The following COG1 variants were observed in gnomAD, a reference collection of about 807,000 sequenced individuals.
The protein encoded by COG1 is component of oligomeric golgi complex 1.
In COG1, 61 loss-of-function variants were observed where a neutral mutation model predicts 102.2. The ratio of observed to expected loss-of-function variants is 0.60; its 90% CI spans 0.49 to 0.74. The LOEUF (loss-of-function observed/expected upper bound fraction) is 0.74, where lower values mean the gene tolerates loss of function less well. Among genes scored for constraint, COG1 ranks in the 30% least tolerant of loss-of-function variants. The pLI is 0.00. For synonymous variants in COG1, 454 were observed against 493.6 expected (o/e 0.92, Z 1.06); for missense variants, 1,164 against 1,232.1 (o/e 0.94, Z 0.83).
At chr17:73,193,524 A>G in intron 1 of COG1, 140 bp downstream of exon 1, 1 of 737,136 alleles carries the variant, frequency 1.4e-6, no homozygotes, top group Non-Finnish European at 2.0e-6. Context: ...TCCGCCCCTC[A>G]CCCTTTGGGC....
intron 7 of COG1, 36 bp downstream of exon 7, chr17:73,201,936 A>C: frequency 6.3e-7 from 1 of 1,593,874 alleles, no homozygotes; most frequent in East Asian, 2.2e-5. Flanking sequence ...GTCTTGTCTC[A>C]CTTCTGTCAT....
Position 73,207,079 on chromosome 17 carries a change from C to T in COG1, c.2730-102C>T, listed in dbSNP as rs998266294. 200 of 960,220 alleles carry T rather than the reference C, an allele frequency of 2.1e-4. 1 individual carries two copies. Among genetic ancestry groups the T allele is most frequent in the Non-Finnish European group, 2.6e-4 (171 of 658,162 alleles). 59.5% of individuals were successfully genotyped at this position (960,220 alleles called of 1,614,324 possible). A position where few individuals can be genotyped will look rare whatever the true frequency, so the allele number is the denominator to read the frequency against. ...CTGCACTCCAGCCTGGGCGACAGAA[C>T]GAGACTCTGTCTCAAAAAAAAAAAA... On this transcript the variant is annotated intron_variant, in intron 12 of 13. Coordinates refer to ENST00000299886, the MANE Select transcript of COG1 (RefSeq NM_018714.3).
chr17:73,204,288 T>TC (rs1388525983), intron 9 of COG1, among the ~76,000 whole-genome samples: 1 of 152,222 alleles, frequency 6.6e-6, no homozygotes, highest in Non-Finnish European at 1.5e-5. Flanking sequence ...ATCATTAACC[T>TC]CCGTTTCCTT....
chr17:73,207,438 G>A, intron 13 of COG1, 182 bp downstream of exon 13: 2 of 726,894 alleles, frequency 2.8e-6, no homozygotes, highest in South Asian at 1.5e-5. Context: ...ACTAGAAGGT[G>A]TAAAAGATGC....
At position 73,193,263 on chromosome 17, in the gene COG1, C is replaced by A; in HGVS notation, c.194C>A (p.Thr65Asn). 1 of 1,607,030 alleles carries A rather than the reference C, an allele frequency of 6.2e-7. No individual in the cohort carries two copies. Among genetic ancestry groups the A allele is most frequent in the Non-Finnish European group, 8.5e-7 (1 of 1,177,630 alleles). Residue 65 changes from threonine (T) to asparagine (N), a missense_variant, in exon 1 of 14, where the codon ACC (threonine) becomes AAC (asparagine). Transcript: ENST00000299886. ...RYRDLIEAAD[T>N]IGQMRRCAVG... ...CGCGACCTGATCGAGGCGGCCGACACCATCGGCCAGATGCGCCGCTGCGCC... is the reference window on the plus strand; with the variant it reads ...CGCGACCTGATCGAGGCGGCCGACAACATCGGCCAGATGCGCCGCTGCGCC...
intron 2 of COG1, 39 bp from the exon 3 acceptor site, chr17:73,196,861 T>A (rs1203040213): frequency 6.2e-7 from 1 of 1,614,028 alleles, no homozygotes; most frequent in Admixed American, 1.7e-5. Flanking sequence ...ACCCAAGATG[T>A]GAAAAACACC....
chr17:73,200,054 GCAGGAGCCACCCATGCAGCCTT>G lies in COG1; in HGVS notation c.1070+34_1070+55del, dbSNP rs1165369507. ...ACCAGAAAGAGCTTCCCTGCAGCTG[GCAGGAGCCACCCATGCAGCCTT>G]GTACGGGGCATTACAAGGGTCAGCG... On this transcript the variant is annotated intron_variant, in intron 5 of 13. Coordinates refer to ENST00000299886, the MANE Select transcript of COG1 (RefSeq NM_018714.3). 3 of 1,596,004 alleles carry G rather than the reference GCAGGAGCCACCCATGCAGCCTT, an allele frequency of 1.9e-6. No homozygotes were observed. In the Admixed American group the frequency reaches 5.2e-5, roughly 28 times the overall value.
Position 73,201,439 on chromosome 17 carries a change from T to C in COG1, c.1612T>C (p.Ser538Pro). ...AGATGACCTCCTGGCTTACCTCCCCTCTGATGACTCATCACTGCCCAAGGA... is the reference window on the plus strand; with the variant it reads ...AGATGACCTCCTGGCTTACCTCCCCCCTGATGACTCATCACTGCCCAAGGA... ...KLDDLLAYLP[S>P]DDSSLPKDVS... The change falls in exon 7 of 14, where the codon TCT becomes CCT. Residue 538 changes from serine (S) to proline (P), a missense_variant. Physicochemically the swap from Ser to Pro is moderately conservative, Grantham distance 74. Coordinates refer to ENST00000299886, the MANE Select transcript of COG1 (RefSeq NM_018714.3). The C allele has an allele frequency of 6.2e-7, 1 of 1,614,244 alleles. No individual in the cohort carries two copies. The highest frequency in any genetic ancestry group is 8.5e-7 in the Non-Finnish European group (1 of 1,180,040).
intron 1 of COG1, among the ~76,000 whole-genome samples, chr17:73,194,441 CAAA>C (rs572388712): frequency 1.5e-4 from 8 of 54,966 alleles, no homozygotes; most frequent in Non-Finnish European, 1.7e-4. Context: ...GACTCTGTCT[CAAA>C]AAAAAAAAAA....
Position 73,206,692 on chromosome 17 carries a change from A to C in COG1, c.2620-16A>C, listed in dbSNP as rs1599332662. The C allele has an allele frequency of 6.6e-7, 1 of 1,520,480 alleles. No individual in the cohort carries two copies. The highest frequency in any genetic ancestry group is 1.5e-5 in the African/African-American group (1 of 66,064). 94.2% of individuals were successfully genotyped at this position (1,520,480 alleles called of 1,614,324 possible). On this transcript the variant is annotated splice_polypyrimidine_tract_variant and intron_variant, in intron 11 of 13. Transcript: ENST00000299886. ...ACCTGCACAATGAAACCTCTGCTCC[A>C]CCTCTTGTCTGCCAGGTTCTGTTTG...
chr17:73,206,670 T>C, intron 11 of COG1, 38 bp from the exon 12 acceptor site: 1 of 1,188,706 alleles, frequency 8.4e-7, no homozygotes, highest in Non-Finnish European at 1.3e-6. Flanking sequence ...TTCTTTTACC[T>C]GCACAATGAA....
intron 1 of COG1, among the ~76,000 whole-genome samples, chr17:73,193,785 T>G (rs149805516): frequency 3.2e-4 from 48 of 152,238 alleles, no homozygotes; most frequent in African/African-American, 1.1e-3. Flanking sequence ...ACACCTGCAC[T>G]CCAAGTCATT....
At chr17:73,203,513 GT>G in intron 8 of COG1, 118 bp from the exon 9 acceptor site, 3 of 1,231,852 alleles carry the variant, frequency 2.4e-6, no homozygotes, top group Non-Finnish European at 3.6e-6. Context: ...TGTAAGAAGC[GT>G]TGCTGAGAGG....
At chr17:73,205,707 C>A in intron 10 of COG1, 27 bp downstream of exon 10, 1 of 1,612,754 alleles carries the variant, frequency 6.2e-7, no homozygotes, top group Non-Finnish European at 8.5e-7. Context: ...GGAGCTATGT[C>A]AAGGCGGTCT....
At chr17:73,202,333 C>T (rs778037722) in intron 7 of COG1, among the ~76,000 whole-genome samples, 24 of 115,172 alleles carry the variant, frequency 2.1e-4, no homozygotes, top group South Asian at 8.1e-4. Flanking sequence ...GGCGAGACTC[C>T]GTCTCAAAAA....
intron 4 of COG1, among the ~76,000 whole-genome samples, chr17:73,197,747 A>G (rs1056623190): frequency 6.6e-6 from 1 of 152,210 alleles, no homozygotes; most frequent in Non-Finnish European, 1.5e-5. Context: ...TGAAGAAGGC[A>G]AGCAACAGGC....
At chr17:73,202,869 A>G in intron 7 of COG1, 131 bp from the exon 8 acceptor site, 2 of 977,732 alleles carry the variant, frequency 2.0e-6, no homozygotes, top group Non-Finnish European at 3.3e-6. Context: ...ATTAGCCAAA[A>G]GAGGACTGAT....
intron 9 of COG1, chr17:73,205,256 C>G (rs2061363491): frequency 5.0e-6 from 2 of 401,824 alleles, no homozygotes; most frequent in African/African-American, 4.1e-5. Context: ...TGAGCCTCCT[C>G]AAAACACTTC....
intron 13 of COG1, chr17:73,207,668 T>A (rs926047061): frequency 1.5e-5 from 20 of 1,294,948 alleles, no homozygotes; most frequent in Non-Finnish European, 2.0e-5. Context: ...CCCAAAAGTT[T>A]GACATTTTCT....
Sources: allele counts gnomAD v4.1 joint callset (sites outside exome capture counted in the v4.1 genomes callset), GRCh38; gene constraint gnomAD v4.1.1; transcripts MANE v1.5; gene names NCBI Gene and HGNC (gene_info 2026-07-23, HGNC 2026-07-21).